TGFA: variants seen among roughly 807,000 people sequenced by gnomAD.
The protein encoded by TGFA is transforming growth factor alpha.
TGFA carries 12 observed loss-of-function variants against 21.7 expected under a neutral mutation model. The observed-to-expected ratio is 0.55, with a 90% CI of 0.35 to 0.90. TGFA has a LOEUF of 0.90. Among genes scored for constraint, TGFA ranks in the 40% least tolerant of loss-of-function variants. The probability of loss-of-function intolerance (pLI) is 0.01; values close to 1 mark genes in which losing one functional copy is unlikely to be tolerated. For synonymous variants in TGFA, 79 were observed against 88.1 expected, an observed-to-expected ratio of 0.90 and a Z score of 0.58; for missense variants, 178 against 210.8, an observed-to-expected ratio of 0.84 and a Z score of 0.96.
intron 3 of TGFA, among the ~76,000 whole-genome samples, chr2:70,460,850 C>T (rs782740232): frequency 3.3e-5 from 5 of 152,270 alleles, no homozygotes; most frequent in Non-Finnish European, 5.9e-5. Context: ...CCAGTGCTGT[C>T]TAATAGAACT....
intron 1 of TGFA, among the ~76,000 whole-genome samples, chr2:70,528,187 A>G (rs746191846): frequency 2.6e-5 from 4 of 152,234 alleles, no homozygotes; most frequent in Non-Finnish European, 4.4e-5. Flanking sequence ...AATTTTAGTC[A>G]ACTAGTCTTA....
At chr2:70,473,338 G>T (rs1022523048) in intron 2 of TGFA, among the ~76,000 whole-genome samples, 7 of 152,080 alleles carry the variant, frequency 4.6e-5, no homozygotes, top group Non-Finnish European at 4.4e-5. Context: ...CCCAGTGGCT[G>T]CCCAGAGAGA....
At chr2:70,544,519 A>G (rs1323720214) in intron 1 of TGFA, among the ~76,000 whole-genome samples, 1 of 152,214 alleles carries the variant, frequency 6.6e-6, no homozygotes, top group Non-Finnish European at 1.5e-5. Context: ...ATTAGAATAG[A>G]TAGCAGGGGG....
At chr2:70,537,821 G>T (rs1673018358) in intron 1 of TGFA, among the ~76,000 whole-genome samples, 1 of 152,228 alleles carries the variant, frequency 6.6e-6, no homozygotes, top group Non-Finnish European at 1.5e-5. Flanking sequence ...TTATCCAGAA[G>T]ATCTAGCTAA....
intron 2 of TGFA, among the ~76,000 whole-genome samples, chr2:70,473,607 C>T (rs1238130445): frequency 4.6e-5 from 7 of 151,888 alleles, no homozygotes; most frequent in African/African-American, 1.7e-4. Context: ...AAGGGAATCC[C>T]TGTCACATTT....
At chr2:70,490,256 A>C (rs1671390841) in intron 2 of TGFA, among the ~76,000 whole-genome samples, 1 of 152,370 alleles carries the variant, frequency 6.6e-6, no homozygotes, top group Non-Finnish European at 1.5e-5. Flanking sequence ...ATATAGTGTC[A>C]ATAAATGATG....
At chr2:70,537,970 G>A (rs1553504697) in intron 1 of TGFA, among the ~76,000 whole-genome samples, 1 of 152,188 alleles carries the variant, frequency 6.6e-6, no homozygotes, top group Non-Finnish European at 1.5e-5. Context: ...CAAAAGACAG[G>A]CTGATTCTCT....
chr2:70,521,613 GTTTGTTTTTT>G, intron 1 of TGFA, among the ~76,000 whole-genome samples: 1 of 74,072 alleles, frequency 1.4e-5, no homozygotes, highest in Non-Finnish European at 2.8e-5. Flanking sequence ...GTTGTTGTTT[GTTTGTTTTTT>G]TTTTTTTTTT....
chr2:70,453,149 C>T (rs111320568), intron 5 of TGFA, 69 bp downstream of exon 5: 6 of 1,376,342 alleles, frequency 4.4e-6, no homozygotes, highest in African/African-American at 2.9e-5. Context: ...GGAACTTCTG[C>T]CCTGACTTGG....
At chr2:70,477,897 G>A (rs35076347) in intron 2 of TGFA, among the ~76,000 whole-genome samples, 79 of 152,330 alleles carry the variant, frequency 5.2e-4, no homozygotes, top group Middle Eastern at 3.4e-3. Flanking sequence ...CTAATGCCAA[G>A]CCTGAAGTCT....
intron 3 of TGFA, among the ~76,000 whole-genome samples, chr2:70,460,779 C>T (rs1362850214): frequency 6.6e-5 from 10 of 152,162 alleles, no homozygotes; most frequent in East Asian, 3.8e-4. Flanking sequence ...GTGCCAACAG[C>T]GGCCACAATA....
chr2:70,513,425 C>A (rs1672166380), intron 2 of TGFA, among the ~76,000 whole-genome samples: 1 of 152,170 alleles, frequency 6.6e-6, no homozygotes, highest in South Asian at 2.1e-4. Flanking sequence ...AGTGAAAGTA[C>A]TGCTTTATGG....
intron 2 of TGFA, among the ~76,000 whole-genome samples, chr2:70,504,963 T>A (rs1027055132): frequency 6.6e-6 from 1 of 152,180 alleles, no homozygotes; most frequent in African/African-American, 2.4e-5. Flanking sequence ...TGTGCCTCAA[T>A]TTTGCCAACT....
intron 1 of TGFA, among the ~76,000 whole-genome samples, chr2:70,538,945 G>A (rs944057316): frequency 9.2e-5 from 14 of 152,210 alleles, no homozygotes; most frequent in South Asian, 4.1e-4. Flanking sequence ...AAATTTCATC[G>A]TTGTCTTATT....
At chr2:70,483,871 T>G (rs1671198576) in intron 2 of TGFA, among the ~76,000 whole-genome samples, 1 of 152,230 alleles carries the variant, frequency 6.6e-6, no homozygotes. Context: ...TCTTTTGATG[T>G]TCTTGCATAA....
chr2:70,503,524 G>A (rs1353172074), intron 2 of TGFA, among the ~76,000 whole-genome samples: 1 of 149,940 alleles, frequency 6.7e-6, no homozygotes, highest in African/African-American at 2.5e-5. Flanking sequence ...GAATACATAT[G>A]TAACAAACCT....
At chr2:70,464,721 A>G (rs868910995) in intron 3 of TGFA, among the ~76,000 whole-genome samples, 4 of 152,184 alleles carry the variant, frequency 2.6e-5, no homozygotes, top group South Asian at 4.2e-4. Context: ...TGAAACCCAC[A>G]TGGCTTCCAT....
chr2:70,553,601 T>C, intron 1 of TGFA, 127 bp downstream of exon 1: 1 of 1,315,178 alleles, frequency 7.6e-7, no homozygotes, highest in South Asian at 2.3e-5. Flanking sequence ...CGCCAACCCA[T>C]TGAGACTACT....
chr2:70,523,294 A>T (rs1672533174), intron 1 of TGFA, among the ~76,000 whole-genome samples: 2 of 152,208 alleles, frequency 1.3e-5, no homozygotes, highest in African/African-American at 2.4e-5. Flanking sequence ...GGAGGCTAAG[A>T]CAGAGGAGTG....
Sources: allele counts gnomAD v4.1 joint callset (sites outside exome capture counted in the v4.1 genomes callset), GRCh38; gene constraint gnomAD v4.1.1; transcripts MANE v1.5; gene names NCBI Gene and HGNC (gene_info 2026-07-23, HGNC 2026-07-21).